The following NPAS3 variants were observed in gnomAD, a reference collection of about 807,000 sequenced individuals.
NPAS3 encodes the protein neuronal PAS domain-containing protein 3.
Under a neutral mutation model 73.1 loss-of-function variants are expected in NPAS3, and 14 were observed. That is an observed-to-expected ratio of 0.19 (90% CI 0.13 to 0.30). The LOEUF is 0.30. NPAS3 is among the 10% of genes least tolerant of loss of function. The probability of loss-of-function intolerance (pLI) is 1.00; values close to 1 mark genes in which losing one functional copy is unlikely to be tolerated. For missense variants in NPAS3, 1,096 were observed against 1,250.0 expected (o/e 0.88, Z 1.86); for synonymous variants, 620 against 541.5 (o/e 1.14, Z -2.01).
At chr14:33,316,844 G>A (rs2043226862) in intron 3 of NPAS3, among the ~76,000 whole-genome samples, 1 of 152,102 alleles carries the variant, frequency 6.6e-6, no homozygotes, top group South Asian at 2.1e-4. Context: ...AGAATGGCAG[G>A]TATTAACTCA....
intron 6 of NPAS3, among the ~76,000 whole-genome samples, chr14:33,722,225 G>A (rs911107736): frequency 2.0e-5 from 3 of 152,250 alleles, no homozygotes; most frequent in Middle Eastern, 3.4e-3. Context: ...AGATCACTTC[G>A]TTTCATGAAG....
chr14:33,622,219 A>T (rs367874626), intron 5 of NPAS3, among the ~76,000 whole-genome samples: 1 of 152,162 alleles, frequency 6.6e-6, no homozygotes, highest in Non-Finnish European at 1.5e-5. Context: ...AACAGATGAG[A>T]TAAAGTCTAC....
intron 1 of NPAS3, among the ~76,000 whole-genome samples, chr14:32,941,522 C>G (rs542470133): frequency 2.0e-4 from 31 of 151,366 alleles, no homozygotes; most frequent in Non-Finnish European, 3.5e-4. Context: ...TTCTTTATCA[C>G]CTGTCTCCAT....
At chr14:33,155,900 G>C (rs576392065) in intron 2 of NPAS3, among the ~76,000 whole-genome samples, 8 of 152,258 alleles carry the variant, frequency 5.3e-5, no homozygotes, top group African/African-American at 1.9e-4. Flanking sequence ...ACTCTAAAGA[G>C]ACTACTCTCT....
At chr14:33,406,697 T>C (rs1371707) in intron 4 of NPAS3, among the ~76,000 whole-genome samples, 63,549 of 151,934 alleles carry the variant, frequency 0.42, 14,524 homozygotes, top group African/African-American at 0.59. Context: ...CAGTGCAAAG[T>C]TCACAGAATG....
In NPAS3 at chr14:33,093,984, G is replaced by A. The variant is rs559148407; in HGVS notation, c.140+37990G>A. On this transcript the variant is annotated intron_variant, in intron 2 of 11. Coordinates refer to ENST00000356141, the Ensembl canonical transcript of NPAS3. Reference sequence around the variant, plus strand: ...GGGCCTGTTGTGGGGTGGGGGAAGGGGGAGGGATAGCATTAGGAGATATAC... The same window carrying A: ...GGGCCTGTTGTGGGGTGGGGGAAGGAGGAGGGATAGCATTAGGAGATATAC... Among the ~76,000 whole-genome samples the A allele has an allele frequency of 5.3e-5, 8 of 152,148 alleles. No homozygotes were observed. The South Asian group carries it at 1.2e-3, about 24-fold the overall frequency.
At chr14:33,483,448 C>T (rs563860397) in intron 4 of NPAS3, among the ~76,000 whole-genome samples, 48 of 152,200 alleles carry the variant, frequency 3.2e-4, no homozygotes, top group African/African-American at 1.2e-3. Context: ...GCAAGAGAAC[C>T]ACGAAATGCG....
chr14:33,510,462 A>T (rs904332848), intron 4 of NPAS3, among the ~76,000 whole-genome samples: 112 of 151,980 alleles, frequency 7.4e-4, no homozygotes, highest in Non-Finnish European at 1.4e-3. Context: ...GGGTGGGTGG[A>T]GGGGGGACTG....
intron 4 of NPAS3, among the ~76,000 whole-genome samples, chr14:33,464,436 T>A (rs1027080121): frequency 6.6e-6 from 1 of 152,198 alleles, no homozygotes; most frequent in African/African-American, 2.4e-5. Context: ...CACTGAGCAC[T>A]GAGGTCCTGC....
intron 3 of NPAS3, among the ~76,000 whole-genome samples, chr14:33,347,338 C>T (rs80212999): frequency 0.021 from 3,156 of 152,296 alleles, 47 homozygotes; most frequent in South Asian, 0.049. Flanking sequence ...AAAGACCACT[C>T]GTAAATATCT....
intron 10 of NPAS3, among the ~76,000 whole-genome samples, chr14:33,796,960 T>A (rs912007951): frequency 6.6e-6 from 1 of 152,114 alleles, no homozygotes; most frequent in African/African-American, 2.4e-5. Flanking sequence ...CACCTGTGCA[T>A]CTGTCAGATA....
intron 5 of NPAS3, among the ~76,000 whole-genome samples, chr14:33,630,044 C>CA (rs1642684490): frequency 6.6e-6 from 1 of 152,174 alleles, no homozygotes; most frequent in African/African-American, 2.4e-5. Context: ...TGTGTTCAGC[C>CA]ATAACCTTGA....
intron 7 of NPAS3, among the ~76,000 whole-genome samples, chr14:33,742,326 A>G (rs2061675305): frequency 2.0e-5 from 3 of 152,200 alleles, no homozygotes; most frequent in Admixed American, 2.0e-4. Flanking sequence ...TTCCAGATAC[A>G]GGCATATCTT....
intron 1 of NPAS3, among the ~76,000 whole-genome samples, chr14:33,036,825 T>C (rs939535515): frequency 3.0e-4 from 45 of 152,192 alleles, no homozygotes; most frequent in Admixed American, 2.2e-3. Context: ...ACAAATTACA[T>C]TGGCATATAC....
intron 5 of NPAS3, among the ~76,000 whole-genome samples, chr14:33,610,822 A>G (rs1380594066): frequency 6.6e-6 from 1 of 152,214 alleles, no homozygotes; most frequent in Non-Finnish European, 1.5e-5. Context: ...AGGAGCTAGG[A>G]GAGGTTGAAA....
intron 4 of NPAS3, among the ~76,000 whole-genome samples, chr14:33,461,278 C>A (rs1227985501): frequency 6.6e-6 from 1 of 152,104 alleles, no homozygotes; most frequent in Admixed American, 6.5e-5. Flanking sequence ...ATTTTGAATG[C>A]TTTTCAGGGT....
chr14:33,024,170 G>GTGTGTGTA (rs546856024), intron 1 of NPAS3, among the ~76,000 whole-genome samples: 30 of 139,578 alleles, frequency 2.1e-4, no homozygotes, highest in Middle Eastern at 3.8e-3. Context: ...GTGTGTGTGT[G>GTGTGTGTA]TATGTATATT....
At chr14:33,801,518 A>G (rs2063714072), downstream of NPAS3, 1 of 201,872 alleles carries the variant, frequency 5.0e-6, no homozygotes, top group Non-Finnish European at 9.8e-6. Flanking sequence ...GAAAGAGACA[A>G]GCATAAACAA....
intron 5 of NPAS3, among the ~76,000 whole-genome samples, chr14:33,642,081 C>G (rs1398662010): frequency 6.6e-6 from 1 of 152,110 alleles, no homozygotes; most frequent in Non-Finnish European, 1.5e-5. Flanking sequence ...CTACAAAAGC[C>G]TATTTATAAT....
Sources: gnomAD v4.1 joint callset for allele counts (sites outside exome capture counted in the v4.1 genomes callset) on GRCh38, gnomAD v4.1.1 for gene constraint, MANE v1.5 for transcripts, NCBI Gene and HGNC (gene_info 2026-07-23, HGNC 2026-07-21) for gene names.